Variants in ENTREP2 observed in about 807,000 individuals in gnomAD.
ENTREP2 encodes the protein protein ENTREP2.
the ENTREP2 span, among the ~76,000 whole-genome samples, chr15:29,649,742 A>AAAAAAAAAAAG: frequency 6.6e-6 from 1 of 150,898 alleles, no homozygotes; most frequent in African/African-American, 2.5e-5. Context: ...AAAAAAAAAA[A>AAAAAAAAAAAG]AAAGAAAGAA....
At chr15:29,269,794 T>G in the ENTREP2 span, 1 of 1,250,166 alleles carries the variant, frequency 8.0e-7, no homozygotes, top group East Asian at 3.1e-5. Context: ...CGCCGGTGCC[T>G]GGAGGCGCGC....
the ENTREP2 span, among the ~76,000 whole-genome samples, chr15:29,261,734 A>G: frequency 6.6e-6 from 1 of 152,206 alleles, no homozygotes; most frequent in South Asian, 2.1e-4. Context: ...TGGAAAATTT[A>G]AAAAGATCAC....
At chr15:29,606,732 T>C in the ENTREP2 span, among the ~76,000 whole-genome samples, 1 of 140,130 alleles carries the variant, frequency 7.1e-6, no homozygotes, top group Admixed American at 6.8e-5. Context: ...GTTCAAATGA[T>C]TTTTTTTTTC....
At chr15:29,278,569 G>T in the ENTREP2 span, among the ~76,000 whole-genome samples, 1 of 152,194 alleles carries the variant, frequency 6.6e-6, no homozygotes, top group South Asian at 2.1e-4. Context: ...AAGGCATGTA[G>T]ACAGTGTGCC....
At chr15:29,629,696 A>T in the ENTREP2 span, among the ~76,000 whole-genome samples, 1 of 152,206 alleles carries the variant, frequency 6.6e-6, no homozygotes, top group Non-Finnish European at 1.5e-5. Flanking sequence ...CATAAGGAGA[A>T]GGATAGTCTA....
the ENTREP2 span, among the ~76,000 whole-genome samples, chr15:29,464,831 T>C: frequency 6.6e-6 from 1 of 152,112 alleles, no homozygotes; most frequent in Non-Finnish European, 1.5e-5. Context: ...GACGGGGAAC[T>C]TGTTTAAAAC....
At chr15:29,444,244 AAGAAAG>A in the ENTREP2 span, among the ~76,000 whole-genome samples, 32 of 138,930 alleles carry the variant, frequency 2.3e-4, no homozygotes, top group South Asian at 1.2e-3. Context: ...GAAAGAAAGA[AAGAAAG>A]AGAAAGAGAA....
At chr15:29,405,842 C>G in the ENTREP2 span, among the ~76,000 whole-genome samples, 1 of 152,358 alleles carries the variant, frequency 6.6e-6, no homozygotes, top group African/African-American at 2.4e-5. Context: ...ATGCTCCTGA[C>G]CAGCTTCACA....
the ENTREP2 span, among the ~76,000 whole-genome samples, chr15:29,565,555 T>C: frequency 1.3e-5 from 2 of 150,968 alleles, no homozygotes; most frequent in Non-Finnish European, 1.5e-5. Flanking sequence ...TGTTAAAAAA[T>C]AATAATAATG....
the ENTREP2 span, among the ~76,000 whole-genome samples, chr15:29,223,723 G>A: frequency 2.0e-5 from 3 of 152,114 alleles, no homozygotes; most frequent in Admixed American, 2.0e-4. Flanking sequence ...GGGGGTGGAG[G>A]GAATGGAAAG....
chr15:29,421,047 C>T, the ENTREP2 span, among the ~76,000 whole-genome samples: 1 of 152,120 alleles, frequency 6.6e-6, no homozygotes, highest in Non-Finnish European at 1.5e-5. Flanking sequence ...AGAGGGAACC[C>T]GGGCTGACAG....
chr15:29,356,280 A>G, the ENTREP2 span, among the ~76,000 whole-genome samples: 2 of 46,826 alleles, frequency 4.3e-5, no homozygotes, highest in African/African-American at 1.1e-4. Flanking sequence ...ATATATATAT[A>G]TATATATATA....
chr15:29,235,484 A>G, the ENTREP2 span, among the ~76,000 whole-genome samples: 1 of 152,156 alleles, frequency 6.6e-6, no homozygotes, highest in Non-Finnish European at 1.5e-5. Flanking sequence ...ACAGTTCTAA[A>G]TAATTCATGG....
At chr15:29,582,657 A>G in the ENTREP2 span, among the ~76,000 whole-genome samples, 2 of 151,926 alleles carry the variant, frequency 1.3e-5, no homozygotes, top group African/African-American at 2.4e-5. Context: ...ATTTTATTTT[A>G]TTATTTTTTT....
the ENTREP2 span, among the ~76,000 whole-genome samples, chr15:29,258,778 A>T: frequency 1.3e-5 from 2 of 152,060 alleles, no homozygotes; most frequent in African/African-American, 4.8e-5. Context: ...CCACCATTCT[A>T]CTTTCTGTCC....
the ENTREP2 span, among the ~76,000 whole-genome samples, chr15:29,378,588 G>A: frequency 6.6e-6 from 1 of 152,180 alleles, no homozygotes; most frequent in South Asian, 2.1e-4. Context: ...ACAGGGAGGA[G>A]GGAATTCCAC....
At chr15:29,322,300 T>C in the ENTREP2 span, among the ~76,000 whole-genome samples, 6 of 152,176 alleles carry the variant, frequency 3.9e-5, no homozygotes, top group South Asian at 2.1e-4. Flanking sequence ...ATATATTCTA[T>C]TGGCAATTTT....
chr15:29,489,718 G>A, the ENTREP2 span, among the ~76,000 whole-genome samples: 18 of 152,140 alleles, frequency 1.2e-4, no homozygotes, highest in Non-Finnish European at 2.1e-4. Flanking sequence ...GCTCTATGAA[G>A]GAGAACTTAA....
chr15:29,299,978 T>C, the ENTREP2 span, among the ~76,000 whole-genome samples: 3 of 147,130 alleles, frequency 2.0e-5, no homozygotes, highest in Non-Finnish European at 1.5e-5. Context: ...AATGGATGGA[T>C]GGATGGCTAG....
Sources: gnomAD v4.1 joint callset for allele counts (sites outside exome capture counted in the v4.1 genomes callset) on GRCh38, gnomAD v4.1.1 for gene constraint, MANE v1.5 for transcripts, NCBI Gene and HGNC (gene_info 2026-07-23, HGNC 2026-07-21) for gene names.